DNAJB14: variants seen among roughly 807,000 people sequenced by gnomAD.
DNAJB14 encodes DnaJ heat shock protein family (Hsp40) member B14, also known as dnaJ homolog subfamily B member 14.
DNAJB14 carries 22 observed loss-of-function variants against 48.4 expected under a neutral mutation model. The observed-to-expected ratio is 0.45, with a 90% CI of 0.32 to 0.65. The LOEUF (loss-of-function observed/expected upper bound fraction) is 0.65, where lower values mean the gene tolerates loss of function less well. Ranked by LOEUF, DNAJB14 falls within the 30% of genes least tolerant of loss-of-function variation. The pLI is 0.03. For synonymous variants in DNAJB14, 142 were observed against 158.7 expected, an observed-to-expected ratio of 0.89 and a Z score of 0.79; for missense variants, 319 against 458.8, an observed-to-expected ratio of 0.70 and a Z score of 2.78.
intron 1 of DNAJB14, among the ~76,000 whole-genome samples, chr4:99,937,670 G>A (rs1328129011): frequency 1.1e-4 from 16 of 152,116 alleles, no homozygotes; most frequent in Admixed American, 9.2e-4. Flanking sequence ...AGGTTGCAGC[G>A]AGCCACGATC....
chr4:99,901,403 C>T (rs1008981629), intron 7 of DNAJB14, among the ~76,000 whole-genome samples: 3 of 152,032 alleles, frequency 2.0e-5, no homozygotes, highest in Non-Finnish European at 4.4e-5. Flanking sequence ...CGTTGGAATC[C>T]TTTCTCTCTA....
chr4:99,919,937 A>G (rs900309740), intron 3 of DNAJB14, among the ~76,000 whole-genome samples: 3 of 152,140 alleles, frequency 2.0e-5, no homozygotes, highest in African/African-American at 7.2e-5. Context: ...AATTCTAACT[A>G]TTATGAAGGC....
intron 7 of DNAJB14, 76 bp downstream of exon 7, chr4:99,903,650 G>A: frequency 6.9e-7 from 1 of 1,448,604 alleles, no homozygotes; most frequent in Non-Finnish European, 9.3e-7. Context: ...AACATTCCTT[G>A]AATAGGGAAA....
At chr4:99,908,406 A>G (rs1725541059) in intron 4 of DNAJB14, among the ~76,000 whole-genome samples, 1 of 152,200 alleles carries the variant, frequency 6.6e-6, no homozygotes, top group Admixed American at 6.5e-5. Flanking sequence ...ATTCATAATT[A>G]TAATAGTACT....
At chr4:99,923,749 G>A (rs1164048607) in intron 2 of DNAJB14, 3 of 961,286 alleles carry the variant, frequency 3.1e-6, no homozygotes, top group African/African-American at 3.5e-5. Context: ...TTGGGGCTGA[G>A]GCTAGTCTTG....
chr4:99,926,022 T>C (rs1241511336), intron 2 of DNAJB14: 1 of 152,162 alleles, frequency 6.6e-6, no homozygotes, highest in Non-Finnish European at 1.5e-5. Flanking sequence ...TCTTTGCAAT[T>C]GCTTTTGGTG....
At position 99,899,060 on chromosome 4, in the gene DNAJB14, A is replaced by C. The variant is rs896641009; in HGVS notation, c.*1968T>G. The C allele has an allele frequency of 6.6e-6, 1 of 151,928 alleles. No homozygotes were observed. Among genetic ancestry groups the C allele is most frequent in the Non-Finnish European group, 1.5e-5 (1 of 67,804 alleles). 9.4% of individuals were successfully genotyped at this position (151,928 alleles called of 1,614,324 possible). On this transcript the variant is annotated 3_prime_UTR_variant, in exon 8 of 8. Transcript: ENST00000442697. The stretch of plus-strand genomic sequence containing the variant: ...TGCAGCACTGCAACTGAAATATAAT[A>C]CTGTCCAAAAGCCATGTATGACTTT...
At chr4:99,924,950 G>A (rs916150683) in intron 2 of DNAJB14, 2 of 659,372 alleles carry the variant, frequency 3.0e-6, no homozygotes, top group Admixed American at 5.0e-5. Flanking sequence ...TCCCATTTAA[G>A]TGTGAATACC....
At position 99,903,561 on chromosome 4, in the gene DNAJB14, C is replaced by T. The variant is rs553419271; in HGVS notation, c.1015+165G>A. On this transcript the variant is annotated intron_variant, in intron 7 of 7. Coordinates refer to ENST00000442697, the MANE Select transcript of DNAJB14 (RefSeq NM_001031723.4). ...ATTAAGTCCTTACTATGTGTCAATT[C>T]CGATGTTAGGCCACATGTATATAAA... Among the ~76,000 whole-genome samples the T allele has an allele frequency of 5.3e-5, 8 of 152,020 alleles. No homozygotes were observed. In the South Asian group the frequency reaches 1.7e-3, roughly 32 times the overall value.
rs368801497 is a variant in DNAJB14 at position 99,946,540 on chromosome 4, C to T, written c.32G>A (p.Cys11Tyr). The T allele has an allele frequency of 6.2e-7, 1 of 1,613,758 alleles. No individual in the cohort carries two copies. Among genetic ancestry groups the T allele is most frequent in the African/African-American group, 1.3e-5 (1 of 74,926 alleles). The change falls in exon 1 of 8, where the codon TGT (cysteine) becomes TAT (tyrosine). Residue 11 changes from cysteine (C) to tyrosine (Y), a missense_variant. Coordinates refer to ENST00000442697, the MANE Select transcript of DNAJB14 (RefSeq NM_001031723.4). Reference sequence around the variant, plus strand: ...CAGGGCCTCCCGGGCGATCTCGACACATTTCTCAGCCTCATCCCTGTTCCC... The same window carrying T: ...CAGGGCCTCCCGGGCGATCTCGACATATTTCTCAGCCTCATCCCTGTTCCC... Reference protein sequence around the residue: MEGNRDEAEKCVEIAREALNA... With the variant: MEGNRDEAEKYVEIAREALNA...
At chr4:99,924,603 T>A in intron 2 of DNAJB14, 2 of 807,898 alleles carry the variant, frequency 2.5e-6, no homozygotes, top group Non-Finnish European at 3.7e-6. Flanking sequence ...ATTTATTGAA[T>A]ACTAACTATG....
At chr4:99,937,655 G>A (rs1726727443) in intron 1 of DNAJB14, among the ~76,000 whole-genome samples, 1 of 152,100 alleles carries the variant, frequency 6.6e-6, no homozygotes, top group Non-Finnish European at 1.5e-5. Flanking sequence ...GAGCCCAGGA[G>A]GCATAGGTTG....
At chr4:99,938,211 G>A (rs13119910) in intron 1 of DNAJB14, among the ~76,000 whole-genome samples, 2,332 of 148,050 alleles carry the variant, frequency 0.016, 36 homozygotes, top group Middle Eastern at 0.034. Context: ...TGGAGGTTGC[G>A]GTGAGCAGAA....
rs1029588400 is a variant in DNAJB14, at chr4:99,900,481, A to G, written c.*547T>C. 5 of 152,100 alleles carry G rather than the reference A, an allele frequency of 3.3e-5. No homozygotes were observed. The highest frequency in any genetic ancestry group is 7.2e-5 in the African/African-American group (3 of 41,452). The allele number at this position is 152,100 out of a possible 1,614,324, so 9.4% of individuals were successfully genotyped here. A position where few individuals can be genotyped will look rare whatever the true frequency, so the allele number is the denominator to read the frequency against. ...CAATTCCCTCTAAGCTGATAATACT[A>G]TAAGATTTTACACAAAGTTAAAGTT... is the stretch of plus-strand genomic sequence containing the variant. On this transcript the variant is annotated 3_prime_UTR_variant, in exon 8 of 8. Coordinates refer to ENST00000442697, the MANE Select transcript of DNAJB14 (RefSeq NM_001031723.4).
intron 2 of DNAJB14, chr4:99,923,978 TAC>T (rs571999009): frequency 5.3e-6 from 3 of 564,930 alleles, no homozygotes; most frequent in Non-Finnish European, 6.7e-6. Context: ...ATTATATACA[TAC>T]AGTTTGTACC....
chr4:99,905,796 G>T, intron 5 of DNAJB14, 90 bp from the exon 6 acceptor site: 2 of 1,385,668 alleles, frequency 1.4e-6, no homozygotes, highest in Non-Finnish European at 2.0e-6. Flanking sequence ...GGCAGAAAGC[G>T]CATTTGAGAT....
At chr4:99,925,472 C>T (rs1382125228) in intron 2 of DNAJB14, 3 of 152,048 alleles carry the variant, frequency 2.0e-5, no homozygotes, top group African/African-American at 7.2e-5. Context: ...TTATTTTACA[C>T]AAATTATCTC....
At chr4:99,939,315 T>C (rs567541083) in intron 1 of DNAJB14, among the ~76,000 whole-genome samples, 1 of 152,178 alleles carries the variant, frequency 6.6e-6, no homozygotes, top group Non-Finnish European at 1.5e-5. Context: ...TGAGCCAGGA[T>C]TGTACCATTG....
intron 1 of DNAJB14, among the ~76,000 whole-genome samples, chr4:99,938,148 T>C (rs1443327622): frequency 7.6e-6 from 1 of 130,932 alleles, no homozygotes; most frequent in Non-Finnish European, 1.6e-5. Context: ...TCGTGGTGCA[T>C]GCCTGTAATC....
Sources: allele counts gnomAD v4.1 joint callset (sites outside exome capture counted in the v4.1 genomes callset), GRCh38; gene constraint gnomAD v4.1.1; transcripts MANE v1.5; gene names NCBI Gene and HGNC (gene_info 2026-07-23, HGNC 2026-07-21).